The following LRRC7 variants were observed in gnomAD, a reference collection of about 807,000 sequenced individuals.
The protein encoded by LRRC7 is leucine rich repeat containing 7, also known as leucine-rich repeat-containing protein 7.
LRRC7 carries 23 observed loss-of-function variants against 175.7 expected under a neutral mutation model. The ratio of observed to expected loss-of-function variants is 0.13; its 90% CI spans 0.09 to 0.19. The LOEUF is 0.19. LRRC7 is among the 10% of genes least tolerant of loss of function. LRRC7 has a pLI of 1.00. For missense variants in LRRC7, 1,354 were observed against 1,904.7 expected (o/e 0.71, Z 5.38); for synonymous variants, 685 against 680.9 (o/e 1.01, Z -0.09).
At chr1:69,989,931 A>C (rs1388937951) in intron 10 of LRRC7, among the ~76,000 whole-genome samples, 1 of 152,146 alleles carries the variant, frequency 6.6e-6, no homozygotes, top group African/African-American at 2.4e-5. Flanking sequence ...AGATGTCTTC[A>C]TTGTCATCAG....
At chr1:69,624,521 A>C (rs554333564) in intron 1 of LRRC7, among the ~76,000 whole-genome samples, 1 of 152,020 alleles carries the variant, frequency 6.6e-6, no homozygotes, top group African/African-American at 2.4e-5. Context: ...TTTAATATCA[A>C]ATTTATTAAT....
chr1:69,947,295 G>A (rs1481635937), intron 8 of LRRC7, among the ~76,000 whole-genome samples: 2 of 151,792 alleles, frequency 1.3e-5, no homozygotes, highest in East Asian at 3.9e-4. Context: ...TTGCCATTTT[G>A]TTAAGTATTT....
intron 1 of LRRC7, among the ~76,000 whole-genome samples, chr1:69,636,021 A>G (rs1653297204): frequency 6.6e-6 from 1 of 152,034 alleles, no homozygotes; most frequent in Admixed American, 6.6e-5. Flanking sequence ...GGTAGGTAAA[A>G]TATTAAATTG....
intron 21 of LRRC7, among the ~76,000 whole-genome samples, chr1:70,041,793 G>A (rs1401977983): frequency 6.6e-6 from 1 of 152,224 alleles, no homozygotes; most frequent in African/African-American, 2.4e-5. Flanking sequence ...CCAGATCAAT[G>A]GTTCCTCTCC....
chr1:70,142,698 A>AGTT lies in LRRC7; in HGVS notation c.*20812_*20814dup, dbSNP rs1667111819. The AGTT allele has an allele frequency of 6.6e-6, 1 of 152,084 alleles. No individual in the cohort carries two copies. Among genetic ancestry groups the AGTT allele is most frequent in the African/African-American group, 2.4e-5 (1 of 41,416 alleles). The allele number at this position is 152,084 out of a possible 1,614,324, so 9.4% of individuals were successfully genotyped here. On this transcript the variant is annotated 3_prime_UTR_variant, in exon 27 of 27. Transcript: ENST00000651989. ...TGTTGCTTATTGAAAGTAATAATAC[A>AGTT]GTTTTATTTTTTCCACTTTATAACT...
chr1:70,063,553 C>T (rs1661741396), intron 23 of LRRC7, among the ~76,000 whole-genome samples: 1 of 152,008 alleles, frequency 6.6e-6, no homozygotes, highest in South Asian at 2.1e-4. Flanking sequence ...AACATGACAG[C>T]TGGCAGAGAT....
rs1215611757 is a variant in LRRC7 at position 70,132,321 on chromosome 1, T to C, written c.*10434T>C. The C allele has an allele frequency of 1.3e-5, 2 of 152,240 alleles. No homozygotes were observed. The highest frequency in any genetic ancestry group is 4.8e-5 in the African/African-American group (2 of 41,462). 9.4% of individuals were successfully genotyped at this position (152,240 alleles called of 1,614,324 possible). ...TTAGAAATATATTTAGTTTAATTGC[T>C]ATTCATTTCTAGAAACTATTTTTGT... On this transcript the variant is annotated 3_prime_UTR_variant, in exon 27 of 27. Transcript: ENST00000651989.
intron 1 of LRRC7, among the ~76,000 whole-genome samples, chr1:69,588,909 G>T (rs1388839499): frequency 6.6e-6 from 1 of 151,938 alleles, no homozygotes; most frequent in Non-Finnish European, 1.5e-5. Context: ...AACTTATCAA[G>T]TTGCTTCATG....
At chr1:69,735,780 C>A (rs76909514) in intron 2 of LRRC7, among the ~76,000 whole-genome samples, 2 of 151,670 alleles carry the variant, frequency 1.3e-5, no homozygotes, top group Non-Finnish European at 2.9e-5. Context: ...TTTTATTCCT[C>A]GCCCCTTTCT....
intron 3 of LRRC7, among the ~76,000 whole-genome samples, chr1:69,778,628 A>G (rs1299347500): frequency 6.6e-6 from 1 of 152,084 alleles, no homozygotes; most frequent in Non-Finnish European, 1.5e-5. Flanking sequence ...TAGAAATGGA[A>G]CCTTAGAGAA....
At chr1:69,884,619 C>A (rs1686978967) in intron 7 of LRRC7, among the ~76,000 whole-genome samples, 1 of 137,908 alleles carries the variant, frequency 7.3e-6, no homozygotes, top group East Asian at 2.2e-4. Flanking sequence ...CCTTCTCCTG[C>A]CTAATTGCCC....
At chr1:69,655,428 T>C (rs935139355) in intron 1 of LRRC7, among the ~76,000 whole-genome samples, 2 of 151,920 alleles carry the variant, frequency 1.3e-5, no homozygotes, top group African/African-American at 4.8e-5. Context: ...TCGCCACCAA[T>C]ACCGTCATAT....
chr1:69,969,548 C>T (rs975574881), intron 8 of LRRC7, among the ~76,000 whole-genome samples: 7 of 152,124 alleles, frequency 4.6e-5, no homozygotes, highest in East Asian at 3.9e-4. Context: ...CATTATATAA[C>T]GATAAAAGGC....
At chr1:69,998,670 T>C (rs1366642986) in intron 11 of LRRC7, among the ~76,000 whole-genome samples, 3 of 152,216 alleles carry the variant, frequency 2.0e-5, no homozygotes, top group African/African-American at 7.2e-5. Context: ...TTGCCTCTTA[T>C]GTTCATATTT....
chr1:69,705,830 A>C (rs766025135), intron 2 of LRRC7, among the ~76,000 whole-genome samples: 2 of 152,132 alleles, frequency 1.3e-5, no homozygotes, highest in African/African-American at 2.4e-5. Flanking sequence ...AATGACCTCT[A>C]ATTTGTATGG....
intron 26 of LRRC7, among the ~76,000 whole-genome samples, chr1:70,114,424 G>C (rs573410705): frequency 7.6e-4 from 115 of 152,230 alleles, no homozygotes; most frequent in Non-Finnish European, 8.4e-4. Context: ...AGTGCTTTGG[G>C]AGGCAGAGGC....
chr1:69,807,376 G>C (rs1305735458), intron 4 of LRRC7, among the ~76,000 whole-genome samples: 1 of 151,920 alleles, frequency 6.6e-6, no homozygotes, highest in Admixed American at 6.6e-5. Flanking sequence ...AGTTGATGCA[G>C]TTTTCTTCCT....
intron 8 of LRRC7, among the ~76,000 whole-genome samples, chr1:69,964,402 A>G (rs571186189): frequency 6.1e-4 from 93 of 152,334 alleles, no homozygotes; most frequent in Middle Eastern, 3.4e-3. Context: ...ATCTGAACTC[A>G]GTCCACCTCC....
intron 3 of LRRC7, among the ~76,000 whole-genome samples, chr1:69,781,880 GA>G (rs1421139376): frequency 7.7e-6 from 1 of 130,220 alleles, no homozygotes; most frequent in Admixed American, 7.9e-5. Context: ...AAGGAAGAAA[GA>G]AAAGGAAGGA....
Sources: gnomAD v4.1 joint callset for allele counts (sites outside exome capture counted in the v4.1 genomes callset) on GRCh38, gnomAD v4.1.1 for gene constraint, MANE v1.5 for transcripts, NCBI Gene and HGNC (gene_info 2026-07-23, HGNC 2026-07-21) for gene names.